The following SUCLG2 variants were observed in gnomAD, a reference collection of about 807,000 sequenced individuals.
SUCLG2 encodes the protein succinate-CoA ligase GDP-forming subunit beta, also known as succinate--CoA ligase [GDP-forming] subunit beta, mitochondrial.
In SUCLG2, 42 loss-of-function variants were observed where a neutral mutation model predicts 47.9. That is an observed-to-expected ratio of 0.88 (90% CI 0.69 to 1.14). The LOEUF is 1.14. SUCLG2 is among the 50% of genes most tolerant of loss of function. The pLI is 0.00. For missense variants in SUCLG2, 571 were observed against 525.9 expected, an observed-to-expected ratio of 1.09 and a Z score of -0.84; for synonymous variants, 195 against 197.3, an observed-to-expected ratio of 0.99 and a Z score of 0.10.
intron 1 of SUCLG2, among the ~76,000 whole-genome samples, chr3:67,613,853 C>G (rs1347827983): frequency 6.6e-6 from 1 of 152,178 alleles, no homozygotes; most frequent in Non-Finnish European, 1.5e-5. Context: ...GTCCCAGAGG[C>G]TCTGTGGTGA....
intron 9 of SUCLG2, among the ~76,000 whole-genome samples, chr3:67,439,204 C>G (rs903318339): frequency 6.6e-6 from 1 of 152,180 alleles, no homozygotes; most frequent in African/African-American, 2.4e-5. Flanking sequence ...ATGCTAAAAA[C>G]TCTGAATAAA....
chr3:67,576,360 A>G (rs1425986482), intron 2 of SUCLG2, among the ~76,000 whole-genome samples: 2 of 152,194 alleles, frequency 1.3e-5, no homozygotes, highest in African/African-American at 4.8e-5. Flanking sequence ...AAATCACAGA[A>G]GTATTTCATG....
At chr3:67,408,496 G>A (rs1702865028) in intron 9 of SUCLG2, 1 of 482,516 alleles carries the variant, frequency 2.1e-6, no homozygotes, top group South Asian at 8.6e-5. Flanking sequence ...TCTCTGAACT[G>A]ATAGCATGGA....
chr3:67,481,848 C>T (rs1250439268), intron 9 of SUCLG2, among the ~76,000 whole-genome samples: 7 of 152,186 alleles, frequency 4.6e-5, no homozygotes, highest in East Asian at 1.9e-4. Flanking sequence ...CCTACTTTCT[C>T]GATTAGCTCC....
At chr3:67,380,807 A>C (rs1245088067) in intron 10 of SUCLG2, among the ~76,000 whole-genome samples, 2 of 152,102 alleles carry the variant, frequency 1.3e-5, no homozygotes, top group African/African-American at 4.8e-5. Flanking sequence ...AGAATAAGAG[A>C]AAGTAAAGGA....
intron 6 of SUCLG2, among the ~76,000 whole-genome samples, chr3:67,515,983 A>G (rs1477499027): frequency 6.6e-6 from 1 of 151,764 alleles, no homozygotes; most frequent in African/African-American, 2.4e-5. Context: ...TCTCCTTCAC[A>G]TTCCTTTATC....
intron 1 of SUCLG2, among the ~76,000 whole-genome samples, chr3:67,634,330 C>T (rs147879605): frequency 0.016 from 2,506 of 152,222 alleles, 34 homozygotes; most frequent in Non-Finnish European, 0.025. Flanking sequence ...CACCTATAAT[C>T]CCAGCACTTT....
chr3:67,463,786 C>T (rs73104329), intron 9 of SUCLG2, among the ~76,000 whole-genome samples: 3,450 of 152,078 alleles, frequency 0.023, 52 homozygotes, highest in African/African-American at 0.036. Context: ...ATGCCAGGGC[C>T]GGGGGCCGTC....
intron 2 of SUCLG2, among the ~76,000 whole-genome samples, chr3:67,569,048 T>C (rs2078020): frequency 0.45 from 68,246 of 151,994 alleles, 16,320 homozygotes; most frequent in Admixed American, 0.54. Flanking sequence ...GATTGTACCG[T>C]TGAGCTTTTC....
chr3:67,371,487 T>C (rs1250959839), downstream of SUCLG2, among the ~76,000 whole-genome samples: 4 of 152,180 alleles, frequency 2.6e-5, no homozygotes, highest in Non-Finnish European at 5.9e-5. Context: ...TGGTTATAGA[T>C]GTTGGGAAGG....
intron 1 of SUCLG2, among the ~76,000 whole-genome samples, chr3:67,640,464 A>C (rs1012361361): frequency 6.6e-6 from 1 of 152,222 alleles, no homozygotes; most frequent in Non-Finnish European, 1.5e-5. Context: ...ATCTGCCTGC[A>C]TCTAGAACAG....
rs375931226 is a variant in SUCLG2 at position 67,411,016 on chromosome 3, C to A, written c.1063-10165G>T. Among the ~76,000 whole-genome samples, 52 of 152,200 alleles carry A rather than the reference C, an allele frequency of 3.4e-4. 2 individuals are homozygous for A. The highest frequency in any genetic ancestry group is 1.2e-3 in the African/African-American group (48 of 41,538). ...ATCTTGATGCATGTAAATACGTATACTCCATCATCATTTGTTGGAGAGTTA... is the reference window on the plus strand; with the variant it reads ...ATCTTGATGCATGTAAATACGTATAATCCATCATCATTTGTTGGAGAGTTA... On this transcript the variant is annotated intron_variant, in intron 9 of 10. Coordinates refer to ENST00000307227, the MANE Select transcript of SUCLG2 (RefSeq NM_003848.4).
chr3:67,518,591 C>T (rs562140095), intron 5 of SUCLG2, among the ~76,000 whole-genome samples: 1 of 152,292 alleles, frequency 6.6e-6, no homozygotes, highest in Admixed American at 6.5e-5. Flanking sequence ...TGCCAGTTTT[C>T]ACTTTTAATT....
chr3:67,648,698 G>A (rs1007157174), intron 1 of SUCLG2, among the ~76,000 whole-genome samples: 1 of 152,118 alleles, frequency 6.6e-6, no homozygotes, highest in Admixed American at 6.5e-5. Context: ...ACATGCCCAA[G>A]GAACAGTTCT....
intron 9 of SUCLG2, among the ~76,000 whole-genome samples, chr3:67,461,931 T>C (rs1240517834): frequency 1.3e-5 from 2 of 152,036 alleles, no homozygotes; most frequent in African/African-American, 4.8e-5. Context: ...GTAGAGATCA[T>C]GCCAGCAAGG....
At chr3:67,564,905 G>C (rs1028951) in intron 2 of SUCLG2, among the ~76,000 whole-genome samples, 5,257 of 151,542 alleles carry the variant, frequency 0.035, 305 homozygotes, top group African/African-American at 0.12. Flanking sequence ...TATAATCTTA[G>C]AACAATATTT....
At chr3:67,596,292 G>A (rs187473393) in intron 2 of SUCLG2, among the ~76,000 whole-genome samples, 26 of 152,246 alleles carry the variant, frequency 1.7e-4, no homozygotes, top group Middle Eastern at 3.4e-3. Flanking sequence ...GATGATCACA[G>A]TTATTACTTC....
intron 9 of SUCLG2, among the ~76,000 whole-genome samples, chr3:67,414,304 G>C (rs1230013574): frequency 6.6e-6 from 1 of 152,288 alleles, no homozygotes; most frequent in South Asian, 2.1e-4. Flanking sequence ...GCAGATTTGA[G>C]AACAGGAATT....
intron 2 of SUCLG2, among the ~76,000 whole-genome samples, chr3:67,549,545 T>C (rs1360282820): frequency 6.6e-6 from 1 of 152,260 alleles, no homozygotes; most frequent in Admixed American, 6.5e-5. Context: ...ACAGTGGTTA[T>C]CTATAGGGAA....
Sources: gnomAD v4.1 joint callset for allele counts (sites outside exome capture counted in the v4.1 genomes callset) on GRCh38, gnomAD v4.1.1 for gene constraint, MANE v1.5 for transcripts, NCBI Gene and HGNC (gene_info 2026-07-23, HGNC 2026-07-21) for gene names.